The following GUCY2C variants were observed in gnomAD, a reference collection of about 807,000 sequenced individuals.
GUCY2C encodes guanylyl cyclase C.
Under a neutral mutation model 131.1 loss-of-function variants are expected in GUCY2C, and 118 were observed. The observed-to-expected ratio is 0.90, with a 90% CI of 0.78 to 1.05. The LOEUF is 1.05. Ranked by LOEUF, GUCY2C falls within the 50% of genes least tolerant of loss-of-function variation. The pLI, the probability that GUCY2C is intolerant of heterozygous loss-of-function variation, is 0.00. For missense variants in GUCY2C, 1,161 were observed against 1,304.4 expected (o/e 0.89, Z 1.69); for synonymous variants, 452 against 457.8 (o/e 0.99, Z 0.16).
chr12:14,670,274 T>G (rs1161005394), intron 9 of GUCY2C, among the ~76,000 whole-genome samples: 2 of 152,248 alleles, frequency 1.3e-5, no homozygotes, highest in South Asian at 2.1e-4. Context: ...AAATCCATTA[T>G]GTCATTTTGA....
At chr12:14,620,990 G>A in intron 23 of GUCY2C, 52 bp downstream of exon 23, 5 of 1,381,046 alleles carry the variant, frequency 3.6e-6, no homozygotes, top group South Asian at 3.6e-5. Context: ...GATTTAGTTG[G>A]TGCACAGCAG....
intron 20 of GUCY2C, 22 bp from the exon 21 acceptor site, chr12:14,625,937 G>A (rs767530783): frequency 3.6e-5 from 52 of 1,441,496 alleles, no homozygotes; most frequent in Non-Finnish European, 5.0e-5. Flanking sequence ...AATAGATAAA[G>A]AGCTCTTATA....
chr12:14,664,842 ATGT>A (rs1299838222), intron 10 of GUCY2C, among the ~76,000 whole-genome samples: 7 of 151,288 alleles, frequency 4.6e-5, no homozygotes, highest in Non-Finnish European at 1.5e-5. Context: ...CAGTTATCTC[ATGT>A]TGTCATTCAT....
chr12:14,689,693 C>T (rs1948541018), intron 1 of GUCY2C, among the ~76,000 whole-genome samples: 1 of 152,124 alleles, frequency 6.6e-6, no homozygotes, highest in Non-Finnish European at 1.5e-5. Flanking sequence ...CAAATGAAAA[C>T]TCACGCATGA....
At chr12:14,674,592 C>T (rs750285911) in intron 8 of GUCY2C, 33 bp downstream of exon 8, 30 of 1,607,652 alleles carry the variant, frequency 1.9e-5, no homozygotes, top group Non-Finnish European at 2.4e-5. Flanking sequence ...CATTTCTTCA[C>T]CTTGGGGTTA....
chr12:14,645,768 C>A (rs1394424494), intron 15 of GUCY2C, among the ~76,000 whole-genome samples: 1 of 150,874 alleles, frequency 6.6e-6, no homozygotes, highest in African/African-American at 2.4e-5. Flanking sequence ...TTACTAAGTC[C>A]TCTGTCAATA....
At chr12:14,675,771 T>A (rs906128833) in intron 7 of GUCY2C, among the ~76,000 whole-genome samples, 1 of 152,240 alleles carries the variant, frequency 6.6e-6, no homozygotes, top group African/African-American at 2.4e-5. Flanking sequence ...CATGTTGGAC[T>A]GCCCATTTGC....
intron 7 of GUCY2C, among the ~76,000 whole-genome samples, chr12:14,675,231 A>G (rs12824863): frequency 7.1e-6 from 1 of 141,380 alleles, no homozygotes; most frequent in African/African-American, 2.6e-5. Flanking sequence ...AAAAAAAAAG[A>G]AAAAAAGAAA....
At chr12:14,686,315 G>T (rs1031988571) in intron 2 of GUCY2C, 90 bp from the exon 3 acceptor site, 121 of 934,324 alleles carry the variant, frequency 1.3e-4, no homozygotes, top group Non-Finnish European at 2.9e-5. Context: ...GCTCCCAGAG[G>T]TTTAGAAAGT....
At chr12:14,644,810 C>T (rs1454054864) in intron 16 of GUCY2C, among the ~76,000 whole-genome samples, 4 of 146,940 alleles carry the variant, frequency 2.7e-5, no homozygotes, top group Admixed American at 6.8e-5. Flanking sequence ...GGCTCAATCT[C>T]GGCTCACAGC....
At chr12:14,679,224 CCTTT>C (rs1592140906) in intron 6 of GUCY2C, among the ~76,000 whole-genome samples, 2 of 152,138 alleles carry the variant, frequency 1.3e-5, no homozygotes, top group East Asian at 3.9e-4. Context: ...GTATGTTTTT[CCTTT>C]CTTTCTTTTT....
intron 17 of GUCY2C, among the ~76,000 whole-genome samples, chr12:14,642,421 T>G (rs1310376916): frequency 6.6e-6 from 1 of 152,208 alleles, no homozygotes; most frequent in East Asian, 1.9e-4. Flanking sequence ...TTCACCAGTT[T>G]CAATGAAACA....
intron 15 of GUCY2C, among the ~76,000 whole-genome samples, chr12:14,650,402 C>A (rs1417910210): frequency 1.3e-5 from 2 of 152,200 alleles, no homozygotes; most frequent in African/African-American, 4.8e-5. Flanking sequence ...CATGCACCAC[C>A]ATGCCCAGCT....
intron 19 of GUCY2C, among the ~76,000 whole-genome samples, chr12:14,636,045 A>G (rs1052323853): frequency 2.0e-5 from 3 of 152,176 alleles, no homozygotes; most frequent in Non-Finnish European, 1.5e-5. Flanking sequence ...AAGAACTAAC[A>G]CTAATTCTCT....
chr12:14,691,835 A>C (rs940809750), intron 1 of GUCY2C, among the ~76,000 whole-genome samples: 2 of 152,158 alleles, frequency 1.3e-5, no homozygotes, highest in Admixed American at 1.3e-4. Context: ...TTGTTAATAG[A>C]ATAGAGCCAG....
intron 18 of GUCY2C, among the ~76,000 whole-genome samples, chr12:14,640,413 C>T (rs1170535240): frequency 6.7e-6 from 1 of 148,398 alleles, no homozygotes; most frequent in East Asian, 2.0e-4. Context: ...GCCAAGATCA[C>T]ACCACTGTAC....
chr12:14,687,553 C>T (rs1948494927), intron 2 of GUCY2C, among the ~76,000 whole-genome samples: 1 of 152,076 alleles, frequency 6.6e-6, no homozygotes, highest in African/African-American at 2.4e-5. Flanking sequence ...CCCAGGAGCT[C>T]AACCTGCAGT....
chr12:14,632,114 ATTCT>A (rs1947158342), intron 19 of GUCY2C, among the ~76,000 whole-genome samples: 1 of 152,130 alleles, frequency 6.6e-6, no homozygotes, highest in Non-Finnish European at 1.5e-5. Context: ...GTCATTGTAG[ATTCT>A]GGATATTAGC....
At chr12:14,616,939 A>G (rs1162342711) in intron 24 of GUCY2C, among the ~76,000 whole-genome samples, 1 of 152,180 alleles carries the variant, frequency 6.6e-6, no homozygotes, top group Non-Finnish European at 1.5e-5. Flanking sequence ...TCTCATGTTG[A>G]ATTTTAATCC....
Sources: allele counts gnomAD v4.1 joint callset (sites outside exome capture counted in the v4.1 genomes callset), GRCh38; gene constraint gnomAD v4.1.1; transcripts MANE v1.5; gene names NCBI Gene and HGNC (gene_info 2026-07-23, HGNC 2026-07-21).